HACL2: variants seen among roughly 807,000 people sequenced by gnomAD.
HACL2 encodes the protein 2-hydroxyacyl-CoA lyase 1 like.
chr19:15,121,395 C>A, the HACL2 span, among the ~76,000 whole-genome samples: 1 of 152,068 alleles, frequency 6.6e-6, no homozygotes, highest in Non-Finnish European at 1.5e-5. Flanking sequence ...GAACCTGGCA[C>A]ATGGCTGCCG....
chr19:15,116,244 T>C, the HACL2 span: 1 of 1,613,960 alleles, frequency 6.2e-7, no homozygotes, highest in Non-Finnish European at 8.5e-7. Flanking sequence ...AATTGAGTTG[T>C]CAGGTAGCGT....
the HACL2 span, chr19:15,122,684 G>C: frequency 6.2e-7 from 1 of 1,608,458 alleles, no homozygotes; most frequent in South Asian, 1.1e-5. The surrounding 1 kb of genome is among the most constrained non-coding windows in gnomAD (Gnocchi z 4.0). Context: ...CAGGGGTGGG[G>C]CTATTCACCA....
chr19:15,119,802 C>G, the HACL2 span, among the ~76,000 whole-genome samples: 18 of 152,176 alleles, frequency 1.2e-4, no homozygotes, highest in Non-Finnish European at 1.0e-4. Flanking sequence ...CCGCCTGCCT[C>G]GGCCTCCCTA....
At chr19:15,116,628 A>C in the HACL2 span, 5 of 868,424 alleles carry the variant, frequency 5.8e-6, no homozygotes, top group African/African-American at 8.5e-5. Context: ...CCGAGCAGGC[A>C]GACGGGAAGC....
chr19:15,123,023 C>G, the HACL2 span: 1 of 1,604,752 alleles, frequency 6.2e-7, no homozygotes, highest in Non-Finnish European at 8.5e-7. The surrounding 1 kb of genome is among the most constrained non-coding windows in gnomAD (Gnocchi z 5.1). Context: ...CTGGAGCGCA[C>G]CCCGGTTCTG....
At chr19:15,119,315 G>A in the HACL2 span, 4 of 1,603,122 alleles carry the variant, frequency 2.5e-6, no homozygotes, top group Admixed American at 5.1e-5. Flanking sequence ...GGGAGTCCAG[G>A]CAGAGCAGAG....
the HACL2 span, chr19:15,117,847 G>A: frequency 6.2e-7 from 1 of 1,612,950 alleles, no homozygotes; most frequent in Non-Finnish European, 8.5e-7. Context: ...ACTGGGAGGA[G>A]CACATATGTG....
the HACL2 span, chr19:15,117,826 G>C: frequency 6.3e-7 from 1 of 1,591,632 alleles, no homozygotes; most frequent in Non-Finnish European, 8.6e-7. Context: ...GCAGAAACCA[G>C]GAGGAGAGGG....
chr19:15,125,200 A>C, the HACL2 span: 1 of 857,912 alleles, frequency 1.2e-6, no homozygotes, highest in Non-Finnish European at 1.8e-6. Context: ...CACGCCCCCA[A>C]CCCTGCCAGA....
At chr19:15,115,539 C>G in the HACL2 span, 1 of 1,606,016 alleles carries the variant, frequency 6.2e-7, no homozygotes, top group Non-Finnish European at 8.5e-7. Flanking sequence ...GCCTCCTGTC[C>G]TCCCAACCTC....
the HACL2 span, chr19:15,117,988 T>C: frequency 3.1e-6 from 5 of 1,614,034 alleles, no homozygotes; most frequent in South Asian, 5.5e-5. Flanking sequence ...GACACGGCCA[T>C]AGGATAGGCG....
the HACL2 span, chr19:15,123,947 A>G: frequency 4.0e-6 from 1 of 247,044 alleles, no homozygotes; most frequent in African/African-American, 2.2e-5. This position sits in a 1 kb window ranked among gnomAD's most constrained non-coding sequence, Gnocchi z 5.1. Context: ...CCAGGGGCAC[A>G]ACGCACGCAG....
chr19:15,116,591 A>G, the HACL2 span: 7 of 1,265,098 alleles, frequency 5.5e-6, no homozygotes, highest in East Asian at 1.6e-4. Flanking sequence ...CAGAGGCCTC[A>G]AAACAGCAGG....
the HACL2 span, chr19:15,116,437 T>C: frequency 6.2e-7 from 1 of 1,613,898 alleles, no homozygotes; most frequent in Non-Finnish European, 8.5e-7. Context: ...GCCGGTCGGC[T>C]TCCCGCAGCT....
At chr19:15,116,167 G>A in the HACL2 span, 45 of 1,613,390 alleles carry the variant, frequency 2.8e-5, no homozygotes, top group Non-Finnish European at 3.4e-5. Flanking sequence ...TCGAGCCAGC[G>A]CAGGGGGCCG....
At chr19:15,120,220 G>A in the HACL2 span, 113 of 563,752 alleles carry the variant, frequency 2.0e-4, 1 homozygote, top group Middle Eastern at 1.7e-3. Flanking sequence ...TGACACCTCA[G>A]GGACAGACGA....
chr19:15,123,060 T>A, the HACL2 span: 1 of 1,608,972 alleles, frequency 6.2e-7, no homozygotes, highest in Admixed American at 1.7e-5. The surrounding 1 kb of genome is among the most constrained non-coding windows in gnomAD (Gnocchi z 5.1). Flanking sequence ...GGCAGGGTTA[T>A]CGCATGAGCC....
the HACL2 span, among the ~76,000 whole-genome samples, chr19:15,120,784 G>A: frequency 6.6e-6 from 1 of 152,188 alleles, no homozygotes; most frequent in Non-Finnish European, 1.5e-5. Context: ...AAGCAGCCCA[G>A]GATGGAACCG....
the HACL2 span, chr19:15,115,673 T>C: frequency 1.2e-6 from 2 of 1,612,724 alleles, no homozygotes; most frequent in Non-Finnish European, 1.7e-6. Context: ...CACTGGGATC[T>C]ACAGGAAGAT....
Sources: gnomAD v4.1 joint callset for allele counts (sites outside exome capture counted in the v4.1 genomes callset) on GRCh38, gnomAD v4.1.1 for gene constraint, Gnocchi (gnomAD v3.1) non-coding constraint, MANE v1.5 for transcripts, NCBI Gene and HGNC (gene_info 2026-07-23, HGNC 2026-07-21) for gene names.